Variants in CSNK1G1 observed in about 807,000 individuals in gnomAD.
CSNK1G1 encodes the protein casein kinase 1 gamma 1.
In CSNK1G1, 22 loss-of-function variants were observed where a neutral mutation model predicts 59.6. The ratio of observed to expected loss-of-function variants is 0.37; its 90% CI spans 0.26 to 0.53. The LOEUF (loss-of-function observed/expected upper bound fraction) is 0.53, where lower values mean the gene tolerates loss of function less well. Among genes scored for constraint, CSNK1G1 ranks in the 20% least tolerant of loss-of-function variants. The pLI is 0.89. For synonymous variants in CSNK1G1, 179 were observed against 177.1 expected (o/e 1.01, Z -0.08); for missense variants, 384 against 519.5 (o/e 0.74, Z 2.54).
intron 1 of CSNK1G1, among the ~76,000 whole-genome samples, chr15:64,347,509 G>C (rs1423187368): frequency 6.6e-6 from 1 of 151,296 alleles, no homozygotes; most frequent in African/African-American, 2.4e-5. Flanking sequence ...CAAGCTACTC[G>C]GGAGGCTGAA....
At chr15:64,345,274 C>T (rs955616409) in intron 1 of CSNK1G1, among the ~76,000 whole-genome samples, 2 of 152,300 alleles carry the variant, frequency 1.3e-5, no homozygotes, top group Non-Finnish European at 2.9e-5. Context: ...TCAAGATTCT[C>T]AGCCTGAGAC....
At chr15:64,253,977 TA>T (rs1892230521) in intron 3 of CSNK1G1, among the ~76,000 whole-genome samples, 1 of 151,850 alleles carries the variant, frequency 6.6e-6, no homozygotes, top group Non-Finnish European at 1.5e-5. Context: ...CCGTCTCTAC[TA>T]AAATACAAAA....
intron 1 of CSNK1G1, among the ~76,000 whole-genome samples, chr15:64,354,724 T>C (rs1362851044): frequency 6.6e-6 from 1 of 152,156 alleles, no homozygotes; most frequent in East Asian, 1.9e-4. Context: ...TCAAAGGTGG[T>C]TCCGTTTAAA....
intron 2 of CSNK1G1, among the ~76,000 whole-genome samples, chr15:64,298,376 T>G (rs564195917): frequency 6.6e-6 from 1 of 152,208 alleles, no homozygotes; most frequent in Non-Finnish European, 1.5e-5. Context: ...ATTTAATCCA[T>G]CCAAGTAGTA....
At chr15:64,285,359 T>C (rs964952445) in intron 2 of CSNK1G1, among the ~76,000 whole-genome samples, 4 of 152,126 alleles carry the variant, frequency 2.6e-5, no homozygotes, top group African/African-American at 7.2e-5. Flanking sequence ...CATTGCAATA[T>C]TGCCTACCAA....
intron 1 of CSNK1G1, among the ~76,000 whole-genome samples, chr15:64,326,671 C>G (rs1200655104): frequency 6.6e-6 from 1 of 151,658 alleles, no homozygotes; most frequent in South Asian, 2.1e-4. Context: ...GGGGGAGGAG[C>G]CAAGATGGCC....
At chr15:64,243,902 C>A (rs1405147769) in intron 4 of CSNK1G1, among the ~76,000 whole-genome samples, 1 of 151,304 alleles carries the variant, frequency 6.6e-6, no homozygotes, top group Non-Finnish European at 1.5e-5. Context: ...GGCATGGTGG[C>A]TCACACCTGC....
intron 2 of CSNK1G1, among the ~76,000 whole-genome samples, chr15:64,277,701 TA>T: frequency 7.7e-6 from 1 of 130,692 alleles, no homozygotes; most frequent in African/African-American, 3.0e-5. Context: ...ATATATTTAA[TA>T]ATATATTAAT....
intron 4 of CSNK1G1, among the ~76,000 whole-genome samples, chr15:64,247,649 A>G (rs1891828716): frequency 6.6e-6 from 1 of 152,204 alleles, no homozygotes; most frequent in African/African-American, 2.4e-5. Context: ...ACAATTACCC[A>G]GTGCTGTCAT....
At chr15:64,256,732 T>A (rs1434739832) in intron 3 of CSNK1G1, among the ~76,000 whole-genome samples, 1 of 152,128 alleles carries the variant, frequency 6.6e-6, no homozygotes, top group Non-Finnish European at 1.5e-5. Flanking sequence ...TTGTGTACGA[T>A]TTTTTTAAAG....
chr15:64,255,035 T>G (rs1385934271), intron 3 of CSNK1G1, among the ~76,000 whole-genome samples: 1 of 152,220 alleles, frequency 6.6e-6, no homozygotes, highest in African/African-American at 2.4e-5. Flanking sequence ...CATCATTTGT[T>G]GAAAAGACTG....
chr15:64,314,384 T>C (rs981349081), intron 1 of CSNK1G1, among the ~76,000 whole-genome samples: 35 of 152,038 alleles, frequency 2.3e-4, no homozygotes, highest in African/African-American at 7.7e-4. Flanking sequence ...ATTATATAAA[T>C]GTAAGGGGTA....
intron 2 of CSNK1G1, chr15:64,266,047 T>C (rs1359634695): frequency 8.2e-6 from 2 of 243,440 alleles, no homozygotes; most frequent in Non-Finnish European, 8.6e-6. Flanking sequence ...CCAGCCGAGG[T>C]GACAAAACAA....
At chr15:64,265,606 TTATTACTGGCATGAGAACAGAC>T (rs1892932164) in intron 2 of CSNK1G1, among the ~76,000 whole-genome samples, 1 of 151,998 alleles carries the variant, frequency 6.6e-6, no homozygotes, top group African/African-American at 2.4e-5. Flanking sequence ...GGGTATGTCT[TTATTACTGGCATGAGAACAGAC>T]TAATACAGAA....
intron 2 of CSNK1G1, among the ~76,000 whole-genome samples, chr15:64,290,413 T>C (rs1894673936): frequency 6.6e-6 from 1 of 151,936 alleles, no homozygotes; most frequent in Admixed American, 6.6e-5. Context: ...AATAATAAAA[T>C]TTCACGTTTT....
At chr15:64,219,610 C>T (rs1364049800) in intron 4 of CSNK1G1, among the ~76,000 whole-genome samples, 1 of 152,064 alleles carries the variant, frequency 6.6e-6, no homozygotes, top group Non-Finnish European at 1.5e-5. Flanking sequence ...AGGCACATGA[C>T]ACCACATCGG....
rs1464322069 is a variant in CSNK1G1, at chr15:64,213,868, CATGG to C, written c.679+18_679+21del. ...AACTGTTCTAATGACTCGCCCCTTTCATGGAACAGAAAAAAACACACCTTTGCCA... is the reference window on the plus strand; with the variant it reads ...AACTGTTCTAATGACTCGCCCCTTTCAACAGAAAAAAACACACCTTTGCCA... On this transcript the variant is annotated intron_variant, in intron 6 of 11. Coordinates refer to ENST00000303052, the MANE Select transcript of CSNK1G1 (RefSeq NM_022048.5). 6.6e-7 allele frequency: 1 copy of C among 1,506,432 alleles called. No homozygotes were observed. The highest frequency in any genetic ancestry group is 1.7e-5 in the Admixed American group (1 of 59,622). The allele number at this position is 1,506,432 out of a possible 1,614,324, so 93.3% of individuals were successfully genotyped here. A position where few individuals can be genotyped will look rare whatever the true frequency, so the allele number is the denominator to read the frequency against.
At chr15:64,193,491 C>CAAAAAAAAAA (rs10631811) in intron 10 of CSNK1G1, among the ~76,000 whole-genome samples, 4 of 131,966 alleles carry the variant, frequency 3.0e-5, no homozygotes, top group African/African-American at 1.2e-4. Flanking sequence ...GACTCTGTCT[C>CAAAAAAAAAA]AAAAAAAAAA....
intron 1 of CSNK1G1, among the ~76,000 whole-genome samples, chr15:64,311,282 G>A (rs2140422223): frequency 6.6e-6 from 1 of 152,122 alleles, no homozygotes; most frequent in African/African-American, 2.4e-5. Context: ...CTGTCCTCAG[G>A]TGATCCGCCT....
Sources: gnomAD v4.1 joint callset for allele counts (sites outside exome capture counted in the v4.1 genomes callset) on GRCh38, gnomAD v4.1.1 for gene constraint, MANE v1.5 for transcripts, NCBI Gene and HGNC (gene_info 2026-07-23, HGNC 2026-07-21) for gene names.